Variants in PTPRN2 observed in about 807,000 individuals in gnomAD.
PTPRN2 encodes the protein receptor-type tyrosine-protein phosphatase N2.
PTPRN2 carries 74 observed loss-of-function variants against 118.8 expected under a neutral mutation model. That is an observed-to-expected ratio of 0.62 (90% CI 0.52 to 0.76). The LOEUF is 0.76. PTPRN2 is among the 30% of genes least tolerant of loss of function. The pLI, the probability that PTPRN2 is intolerant of heterozygous loss-of-function variation, is 0.00. For synonymous variants in PTPRN2, 641 were observed against 608.0 expected (o/e 1.05, Z -0.80); for missense variants, 1,481 against 1,394.4 (o/e 1.06, Z -0.99).
At chr7:158,316,086 C>A (rs886623870) in intron 3 of PTPRN2, among the ~76,000 whole-genome samples, 1 of 152,214 alleles carries the variant, frequency 6.6e-6, no homozygotes, top group African/African-American at 2.4e-5. Context: ...CATCATTCCC[C>A]GAGGTGATCA....
chr7:157,666,516 C>A (rs78663080), intron 13 of PTPRN2, among the ~76,000 whole-genome samples: 220 of 62,176 alleles, frequency 3.5e-3, no homozygotes, highest in African/African-American at 6.3e-3. Context: ...AAAAAAAAAA[C>A]CCCACAGTAG....
intron 2 of PTPRN2, among the ~76,000 whole-genome samples, chr7:158,448,208 G>A (rs1420538012): frequency 6.6e-6 from 1 of 152,222 alleles, no homozygotes. Context: ...GAGCAGGCTG[G>A]GTGTCTGAGA....
At chr7:158,394,488 G>A (rs1586560799) in intron 2 of PTPRN2, among the ~76,000 whole-genome samples, 4 of 152,336 alleles carry the variant, frequency 2.6e-5, no homozygotes. Context: ...TTGGCAGGTC[G>A]GGGATGAGCC....
intron 2 of PTPRN2, among the ~76,000 whole-genome samples, chr7:158,420,603 C>T (rs182394736): frequency 1.2e-4 from 18 of 152,280 alleles, no homozygotes; most frequent in African/African-American, 3.9e-4. Flanking sequence ...CCCACCAGTG[C>T]GCATTGCCCC....
chr7:158,145,717 T>C (rs1011969837), intron 6 of PTPRN2, among the ~76,000 whole-genome samples: 1 of 152,226 alleles, frequency 6.6e-6, no homozygotes, highest in African/African-American at 2.4e-5. Flanking sequence ...TTCTAGAATC[T>C]GTAGGGTGTT....
chr7:157,702,063 ACGTGGGCTGTG>A (rs1798103438), intron 12 of PTPRN2, among the ~76,000 whole-genome samples: 2 of 149,544 alleles, frequency 1.3e-5, no homozygotes, highest in South Asian at 2.2e-4. Context: ...GGTGTAACTG[ACGTGGGCTGTG>A]CATTTATAAG....
At chr7:157,833,097 G>A (rs938706415) in intron 12 of PTPRN2, among the ~76,000 whole-genome samples, 3 of 151,208 alleles carry the variant, frequency 2.0e-5, no homozygotes, top group Admixed American at 6.6e-5. Context: ...CTGTATGACG[G>A]TGAACTTGTC....
rs537866522 is a variant in PTPRN2, at chr7:157,847,432, G to A, written c.1788+51241C>T. ...AGAGCCCTCTCTCACTCCATCAGGT[G>A]TGCCTGATGTCTACAAAGCCCTCTC... On this transcript the variant is annotated intron_variant, in intron 12 of 22. Coordinates refer to ENST00000389418, the MANE Select transcript of PTPRN2 (RefSeq NM_002847.5). Among the ~76,000 whole-genome samples, 32 of 149,624 alleles carry A rather than the reference G, an allele frequency of 2.1e-4. 1 individual carries two copies. In the South Asian group the frequency reaches 2.8e-3, roughly 13 times the overall value.
At chr7:157,998,084 A>AGGGGGG (rs1804916274) in intron 11 of PTPRN2, among the ~76,000 whole-genome samples, 1 of 51,876 alleles carries the variant, frequency 1.9e-5, no homozygotes, top group African/African-American at 8.4e-5. Context: ...AGAGGAGTGC[A>AGGGGGG]GGGGAGAGGA....
chr7:158,340,217 T>C (rs1177972868), intron 2 of PTPRN2, among the ~76,000 whole-genome samples: 68 of 47,974 alleles, frequency 1.4e-3, no homozygotes, highest in East Asian at 4.6e-3. Context: ...TAAGAGCTGA[T>C]GCCGGCACAC....
chr7:157,841,944 C>T (rs543971818), intron 12 of PTPRN2, among the ~76,000 whole-genome samples: 80 of 152,056 alleles, frequency 5.3e-4, no homozygotes, highest in Non-Finnish European at 1.0e-3. Context: ...CTCCCTTTCT[C>T]TCCCCCATAA....
intron 12 of PTPRN2, among the ~76,000 whole-genome samples, chr7:157,772,933 G>C (rs1176818914): frequency 1.3e-5 from 2 of 152,194 alleles, no homozygotes; most frequent in African/African-American, 4.8e-5. Flanking sequence ...GGTCCAGGCT[G>C]CATGCCGACT....
At chr7:157,701,121 A>G (rs866219980) in intron 12 of PTPRN2, among the ~76,000 whole-genome samples, 30 of 152,174 alleles carry the variant, frequency 2.0e-4, no homozygotes, top group Middle Eastern at 3.4e-3. Flanking sequence ...CGTGGAATTC[A>G]TGCATTTTTT....
At chr7:158,071,535 A>AGGTGCTCC (rs1811666073) in intron 11 of PTPRN2, among the ~76,000 whole-genome samples, 2 of 53,410 alleles carry the variant, frequency 3.7e-5, no homozygotes, top group African/African-American at 9.2e-5. Flanking sequence ...GATGCTCGTG[A>AGGTGCTCC]TGATGGAGGT....
chr7:157,886,242 C>T (rs951750015), intron 12 of PTPRN2, among the ~76,000 whole-genome samples: 11 of 152,112 alleles, frequency 7.2e-5, no homozygotes, highest in African/African-American at 2.2e-4. Context: ...GGCGGGCCTC[C>T]GTTTCTTCAG....
intron 14 of PTPRN2, among the ~76,000 whole-genome samples, chr7:157,631,895 A>C (rs1356691715): frequency 6.6e-6 from 1 of 152,158 alleles, no homozygotes; most frequent in East Asian, 1.9e-4. Context: ...AGAAAATGAC[A>C]TGCTTTTTTC....
intron 1 of PTPRN2, among the ~76,000 whole-genome samples, chr7:158,553,374 A>G (rs796365915): frequency 6.6e-5 from 10 of 150,644 alleles, no homozygotes; most frequent in African/African-American, 2.5e-4. Context: ...GTGTATATGC[A>G]CAGGCTTAGG....
intron 3 of PTPRN2, among the ~76,000 whole-genome samples, chr7:158,253,183 A>G (rs906411375): frequency 6.6e-6 from 1 of 152,100 alleles, no homozygotes; most frequent in African/African-American, 2.4e-5. Context: ...TGGCAGATCC[A>G]CCAGATCTAC....
At chr7:158,239,830 G>A (rs915226438) in intron 3 of PTPRN2, among the ~76,000 whole-genome samples, 12 of 152,214 alleles carry the variant, frequency 7.9e-5, no homozygotes, top group African/African-American at 2.7e-4. Flanking sequence ...ATTGGGTCAC[G>A]AAATCCTTGC....
Sources: gnomAD v4.1 joint callset for allele counts (sites outside exome capture counted in the v4.1 genomes callset) on GRCh38, gnomAD v4.1.1 for gene constraint, MANE v1.5 for transcripts, NCBI Gene and HGNC (gene_info 2026-07-23, HGNC 2026-07-21) for gene names.